PTPRD: variants seen among roughly 807,000 people sequenced by gnomAD.
PTPRD encodes receptor-type tyrosine-protein phosphatase delta.
A neutral mutation model predicts 214.5 loss-of-function variants in PTPRD; 34 were observed. The ratio of observed to expected loss-of-function variants is 0.16; its 90% CI spans 0.12 to 0.21. The LOEUF is 0.21. Ranked by LOEUF, PTPRD falls within the 10% of genes least tolerant of loss-of-function variation. The pLI, the probability that PTPRD is intolerant of heterozygous loss-of-function variation, is 1.00. For synonymous variants in PTPRD, 1,128 were observed against 845.7 expected, an observed-to-expected ratio of 1.33 and a Z score of -5.79; for missense variants, 2,545 against 2,398.7, an observed-to-expected ratio of 1.06 and a Z score of -1.27.
rs554724898 is a variant in PTPRD, at chr9:10,111,122, T to C, written c.-544-77332A>G. On this transcript the variant is annotated intron_variant, in intron 3 of 45. Transcript: ENST00000381196. ...GTAAAAAGGGGAGAATACAATGCTT[T>C]AAGATTTTATTAGAATAAAATTAGA... Among the ~76,000 whole-genome samples the C allele has an allele frequency of 1.2e-4, 19 of 152,214 alleles. 1 individual carries two copies. The East Asian group carries it at 3.7e-3, about 29-fold the overall frequency.
chr9:9,726,290 G>A (rs1243081911), intron 7 of PTPRD, among the ~76,000 whole-genome samples: 1 of 152,118 alleles, frequency 6.6e-6, no homozygotes, highest in African/African-American at 2.4e-5. Context: ...GCATTTAACT[G>A]TCTTCCACAT....
intron 9 of PTPRD, among the ~76,000 whole-genome samples, chr9:9,386,859 T>C (rs1409654045): frequency 4.6e-5 from 7 of 152,136 alleles, no homozygotes; most frequent in Non-Finnish European, 5.9e-5. Context: ...AAAAGGGAAC[T>C]GAAGGTCCAT....
intron 12 of PTPRD, among the ~76,000 whole-genome samples, chr9:8,674,597 A>AG (rs1325769459): frequency 6.6e-6 from 1 of 152,148 alleles, no homozygotes; most frequent in African/African-American, 2.4e-5. Flanking sequence ...AAGAGCTCTA[A>AG]GTAAGGCACT....
Position 8,552,350 on chromosome 9 carries a change from G to A in PTPRD, c.353-23571C>T, listed in dbSNP as rs77392218. 7.4e-3 allele frequency among the ~76,000 whole-genome samples: 1,122 copies of A among 152,344 alleles called. 12 individuals are homozygous for A. Among genetic ancestry groups the A allele is most frequent in the African/African-American group, 0.026 (1,081 of 41,580 alleles). The stretch of plus-strand genomic sequence containing the variant: ...GTATTAGCAGGTTTCTCTTCTTGCT[G>A]TGTCAGAACGGACCAGCGTGAGAGA... On this transcript the variant is annotated intron_variant, in intron 14 of 45. Coordinates refer to ENST00000381196, the MANE Select transcript of PTPRD (RefSeq NM_002839.4).
intron 11 of PTPRD, among the ~76,000 whole-genome samples, chr9:8,817,902 T>G (rs1286794860): frequency 6.6e-6 from 1 of 152,154 alleles, no homozygotes; most frequent in Non-Finnish European, 1.5e-5. Flanking sequence ...CAAGATAAAT[T>G]TGGATCAAAT....
intron 5 of PTPRD, among the ~76,000 whole-genome samples, chr9:9,798,988 C>T (rs985078909): frequency 2.0e-5 from 3 of 152,118 alleles, no homozygotes; most frequent in African/African-American, 7.2e-5. Context: ...GGACATTTTT[C>T]ACATTAGATC....
intron 11 of PTPRD, among the ~76,000 whole-genome samples, chr9:9,012,081 G>A (rs533238115): frequency 2.0e-5 from 3 of 152,252 alleles, no homozygotes; most frequent in Non-Finnish European, 2.9e-5. Flanking sequence ...TTGTGAGAGG[G>A]CCTATGGAAA....
chr9:8,485,620 T>C, intron 28 of PTPRD, 142 bp downstream of exon 28: 1 of 770,318 alleles, frequency 1.3e-6, no homozygotes, highest in South Asian at 1.9e-5. Context: ...CAAGACGTAG[T>C]AAGTTTTACA....
At chr9:10,515,492 T>A (rs1339669226) in intron 2 of PTPRD, among the ~76,000 whole-genome samples, 3 of 152,032 alleles carry the variant, frequency 2.0e-5, no homozygotes, top group African/African-American at 7.2e-5. Flanking sequence ...TTATGAATAA[T>A]GTTTAAATTT....
intron 9 of PTPRD, among the ~76,000 whole-genome samples, chr9:9,200,650 A>T (rs546980106): frequency 3.9e-5 from 6 of 152,354 alleles, no homozygotes; most frequent in African/African-American, 1.4e-4. Flanking sequence ...CCACTCAGCA[A>T]AACAATTGTA....
intron 5 of PTPRD, among the ~76,000 whole-genome samples, chr9:9,828,811 G>A (rs547249462): frequency 4.0e-5 from 6 of 151,176 alleles, no homozygotes; most frequent in African/African-American, 1.5e-4. Context: ...TCTAGTTATT[G>A]GTAATTAAAA....
At chr9:9,871,437 T>A (rs1420576640) in intron 5 of PTPRD, among the ~76,000 whole-genome samples, 1 of 152,194 alleles carries the variant, frequency 6.6e-6, no homozygotes, top group African/African-American at 2.4e-5. Flanking sequence ...TACTGCAATA[T>A]CCTCTCTGGT....
At chr9:10,275,429 G>A (rs555976023) in intron 3 of PTPRD, among the ~76,000 whole-genome samples, 12 of 147,958 alleles carry the variant, frequency 8.1e-5, no homozygotes, top group South Asian at 2.1e-4. Context: ...AGGGATGAGA[G>A]AGAGAAAAAG....
chr9:9,922,419 G>A (rs550007661), intron 5 of PTPRD, among the ~76,000 whole-genome samples: 1 of 152,012 alleles, frequency 6.6e-6, no homozygotes, highest in South Asian at 2.1e-4. Context: ...TTGGTTTCTA[G>A]AACACCAATT....
In PTPRD at chr9:8,317,840, C is replaced by T. The variant is rs201687555; in HGVS notation, c.*34G>A. 7 of 1,597,004 alleles carry T rather than the reference C, an allele frequency of 4.4e-6. No homozygotes were observed. Among genetic ancestry groups the T allele is most frequent in the African/African-American group, 1.3e-5 (1 of 74,480 alleles). ...AAGAGACTCCATGGATATTGAAGGG[C>T]CTGTAGTAAAAATCCAGAATGGGTC... On this transcript the variant is annotated 3_prime_UTR_variant, in exon 46 of 46. Transcript: ENST00000381196.
chr9:8,381,253 T>G (rs1281123205), intron 37 of PTPRD, among the ~76,000 whole-genome samples: 1 of 152,198 alleles, frequency 6.6e-6, no homozygotes, highest in Non-Finnish European at 1.5e-5. Context: ...GGTACCCTTT[T>G]GTCAATACCC....
chr9:8,867,851 G>C (rs1195775568), intron 11 of PTPRD, among the ~76,000 whole-genome samples: 2 of 152,062 alleles, frequency 1.3e-5, no homozygotes, highest in Admixed American at 6.6e-5. Flanking sequence ...TGTATCCCTT[G>C]TGCACCTGCA....
chr9:10,590,698 C>T (rs536950039), intron 2 of PTPRD, among the ~76,000 whole-genome samples: 1 of 151,856 alleles, frequency 6.6e-6, no homozygotes, highest in South Asian at 2.1e-4. Context: ...ACAGTAATTG[C>T]TTATTCATTC....
intron 5 of PTPRD, among the ~76,000 whole-genome samples, chr9:9,927,128 T>G (rs1299343029): frequency 6.6e-6 from 1 of 152,170 alleles, no homozygotes; most frequent in African/African-American, 2.4e-5. Flanking sequence ...ATTATATACT[T>G]AACCAGTATA....
Sources: gnomAD v4.1 joint callset for allele counts (sites outside exome capture counted in the v4.1 genomes callset) on GRCh38, gnomAD v4.1.1 for gene constraint, MANE v1.5 for transcripts, NCBI Gene and HGNC (gene_info 2026-07-23, HGNC 2026-07-21) for gene names.